Variants in KCNB2 observed in about 807,000 individuals in gnomAD.
The protein encoded by KCNB2 is delayed rectifier potassium channel protein.
A neutral mutation model predicts 61.5 loss-of-function variants in KCNB2; 15 were observed. That is an observed-to-expected ratio of 0.24 (90% CI 0.16 to 0.38). The LOEUF is 0.38. KCNB2 is among the 10% of genes least tolerant of loss of function. The pLI is 1.00. For synonymous variants in KCNB2, 457 were observed against 446.0 expected, an observed-to-expected ratio of 1.02 and a Z score of -0.31; for missense variants, 828 against 1,125.2, an observed-to-expected ratio of 0.74 and a Z score of 3.78.
intron 2 of KCNB2, among the ~76,000 whole-genome samples, chr8:72,700,284 G>A (rs1401155873): frequency 1.3e-5 from 2 of 152,048 alleles, no homozygotes; most frequent in Admixed American, 6.6e-5. Context: ...GATAGGTGCA[G>A]CAAAACACCA....
At chr8:72,870,550 C>G (rs1805600137) in intron 2 of KCNB2, among the ~76,000 whole-genome samples, 1 of 152,122 alleles carries the variant, frequency 6.6e-6, no homozygotes, top group African/African-American at 2.4e-5. Context: ...AACAGTGTGT[C>G]CCATAATGGG....
chr8:72,628,972 C>T (rs369179249), intron 2 of KCNB2, among the ~76,000 whole-genome samples: 6 of 152,150 alleles, frequency 3.9e-5, no homozygotes, highest in South Asian at 2.1e-4. Flanking sequence ...ACAAATATAA[C>T]GTACTTAACA....
intron 2 of KCNB2, among the ~76,000 whole-genome samples, chr8:72,720,459 T>G (rs1807529399): frequency 1.3e-5 from 2 of 152,214 alleles, no homozygotes; most frequent in Admixed American, 6.5e-5. Context: ...AAAAGGAATC[T>G]TTCTTTCAAA....
intron 2 of KCNB2, among the ~76,000 whole-genome samples, chr8:72,693,183 A>C (rs1385137869): frequency 1.3e-5 from 2 of 152,064 alleles, no homozygotes; most frequent in African/African-American, 2.4e-5. Context: ...GCCAGTTTGC[A>C]GTTACAGCCA....
At chr8:72,641,636 G>A (rs1563546737) in intron 2 of KCNB2, among the ~76,000 whole-genome samples, 1 of 152,082 alleles carries the variant, frequency 6.6e-6, no homozygotes, top group Non-Finnish European at 1.5e-5. Flanking sequence ...TGCCATGAGT[G>A]CATGATGACC....
At chr8:72,656,979 AACTTGTTACTGGCC>A (rs1397296860) in intron 2 of KCNB2, among the ~76,000 whole-genome samples, 1 of 152,158 alleles carries the variant, frequency 6.6e-6, no homozygotes, top group Admixed American at 6.6e-5. Flanking sequence ...CCCAGCCTCT[AACTTGTTACTGGCC>A]ACAGGCTCTA....
chr8:72,795,988 T>C (rs754658384), intron 2 of KCNB2, among the ~76,000 whole-genome samples: 36 of 152,146 alleles, frequency 2.4e-4, no homozygotes, highest in Admixed American at 1.5e-3. Flanking sequence ...CCAGAAACCA[T>C]TGTCCAACTT....
intron 2 of KCNB2, among the ~76,000 whole-genome samples, chr8:72,701,957 T>A (rs1168044627): frequency 6.6e-6 from 1 of 152,194 alleles, no homozygotes; most frequent in Admixed American, 6.5e-5. Context: ...TTAACAATGA[T>A]TATTTTTGAA....
chr8:72,856,283 T>C (rs1257938681), intron 2 of KCNB2, among the ~76,000 whole-genome samples: 2 of 152,176 alleles, frequency 1.3e-5, no homozygotes, highest in African/African-American at 4.8e-5. Flanking sequence ...ATTTTTATAC[T>C]ACATATCATA....
At chr8:72,674,235 T>C (rs1806613770) in intron 2 of KCNB2, among the ~76,000 whole-genome samples, 1 of 152,260 alleles carries the variant, frequency 6.6e-6, no homozygotes, top group African/African-American at 2.4e-5. Context: ...TAAATGGTGA[T>C]GATAATATCT....
At chr8:72,773,105 G>A (rs781018414) in intron 2 of KCNB2, among the ~76,000 whole-genome samples, 9 of 152,190 alleles carry the variant, frequency 5.9e-5, no homozygotes, top group Non-Finnish European at 1.0e-4. Context: ...TAATCTGGAA[G>A]AGTGACACAT....
chr8:72,554,473 G>T (rs935882269), intron 1 of KCNB2, among the ~76,000 whole-genome samples: 1 of 152,120 alleles, frequency 6.6e-6, no homozygotes, highest in African/African-American at 2.4e-5. Flanking sequence ...CACTGGGTAT[G>T]AGATAGTCAG....
At chr8:72,775,479 T>C (rs1328350370) in intron 2 of KCNB2, among the ~76,000 whole-genome samples, 1 of 152,136 alleles carries the variant, frequency 6.6e-6, no homozygotes, top group African/African-American at 2.4e-5. Context: ...AACTGTGGCG[T>C]TCCCTTCAAT....
chr8:72,812,219 G>C lies in KCNB2; in HGVS notation c.580-123716G>C, dbSNP rs973611256. ...GGAGGCGGAGGTTACAGTGAGCAGA[G>C]ATCGCACCACTGCCCTCCAGCCTGG... is the stretch of plus-strand genomic sequence containing the variant. On this transcript the variant is annotated intron_variant, in intron 2 of 2. Coordinates refer to ENST00000523207, the MANE Select transcript of KCNB2 (RefSeq NM_004770.3). Among the ~76,000 whole-genome samples, 3 of 151,920 alleles carry C rather than the reference G, an allele frequency of 2.0e-5. No individual in the cohort carries two copies. The East Asian group carries it at 5.8e-4, about 29-fold the overall frequency.
chr8:72,856,878 G>C (rs978193600), intron 2 of KCNB2, among the ~76,000 whole-genome samples: 1 of 152,142 alleles, frequency 6.6e-6, no homozygotes, highest in Admixed American at 6.5e-5. Context: ...TGGTCAATTT[G>C]TTAATATCAC....
chr8:72,900,278 T>C (rs1480049551), intron 2 of KCNB2, among the ~76,000 whole-genome samples: 2 of 152,136 alleles, frequency 1.3e-5, no homozygotes, highest in Non-Finnish European at 1.5e-5. Context: ...GTTTCAGGGA[T>C]AACTGACTAG....
At chr8:72,837,414 C>A (rs1809800073) in intron 2 of KCNB2, among the ~76,000 whole-genome samples, 1 of 152,178 alleles carries the variant, frequency 6.6e-6, no homozygotes, top group Non-Finnish European at 1.5e-5. Flanking sequence ...TTAACAATTA[C>A]CAACAGCTTT....
At chr8:72,695,392 A>G (rs963268242) in intron 2 of KCNB2, among the ~76,000 whole-genome samples, 6 of 152,232 alleles carry the variant, frequency 3.9e-5, no homozygotes, top group African/African-American at 9.6e-5. Flanking sequence ...GAAATAAAAT[A>G]TCTTCTTCAA....
At chr8:72,776,073 A>T (rs1415513827) in intron 2 of KCNB2, among the ~76,000 whole-genome samples, 2 of 152,144 alleles carry the variant, frequency 1.3e-5, no homozygotes, top group Admixed American at 1.3e-4. Context: ...ATGCAGCCAT[A>T]AAAAAGGATG....
Sources: allele counts gnomAD v4.1 joint callset (sites outside exome capture counted in the v4.1 genomes callset), GRCh38; gene constraint gnomAD v4.1.1; transcripts MANE v1.5; gene names NCBI Gene and HGNC (gene_info 2026-07-23, HGNC 2026-07-21).